The following TRIM33 variants were observed in gnomAD, a reference collection of about 807,000 sequenced individuals.
The protein encoded by TRIM33 is E3 ubiquitin-protein ligase TRIM33.
Under a neutral mutation model 125.4 loss-of-function variants are expected in TRIM33, and 20 were observed. The ratio of observed to expected loss-of-function variants is 0.16; its 90% confidence interval spans 0.11 to 0.23. The LOEUF (loss-of-function observed/expected upper bound fraction) is 0.23, where lower values mean the gene tolerates loss of function less well. TRIM33 is among the 10% of genes least tolerant of loss of function. TRIM33 has a pLI of 1.00. For synonymous variants in TRIM33, 564 were observed against 513.9 expected (o/e 1.10, Z -1.32); for missense variants, 920 against 1,411.4 (o/e 0.65, Z 5.58).
Position 114,487,635 on chromosome 1 carries a change from C to T in TRIM33, c.526+22916G>A, listed in dbSNP as rs140123045. Among the ~76,000 whole-genome samples the T allele has an allele frequency of 2.9e-3, 448 of 151,878 alleles. 4 individuals are homozygous for T. Among genetic ancestry groups the T allele is most frequent in the African/African-American group, 0.01 (422 of 41,462 alleles). The stretch of plus-strand genomic sequence containing the variant: ...TAAATAGGCCGGGCGCGGTGGCTCA[C>T]GCCTGTAATCCCAGCACTTTGGGAG... On this transcript the variant is annotated intron_variant, in intron 1 of 19. Transcript: ENST00000358465.
intron 9 of TRIM33, among the ~76,000 whole-genome samples, chr1:114,425,172 G>A (rs182057631): frequency 5.9e-5 from 9 of 152,192 alleles, no homozygotes; most frequent in South Asian, 2.1e-4. Flanking sequence ...AAAATTATAC[G>A]TGGAAAACAA....
chr1:114,481,851 C>T (rs904435161), intron 1 of TRIM33, among the ~76,000 whole-genome samples: 3 of 151,940 alleles, frequency 2.0e-5, no homozygotes, highest in Admixed American at 6.6e-5. Context: ...CCTCCGCCTA[C>T]CCAGTTCAAG....
chr1:114,510,957 C>T lies in TRIM33; in HGVS notation c.120G>A (p.Ala40=). Reference sequence around the variant, plus strand: ...CCTCCTCCTCCTCCTCCACCAGCACCGCGGTGAGAGGCGGCTCCGCCTCCT... The same window carrying T: ...CCTCCTCCTCCTCCTCCACCAGCACTGCGGTGAGAGGCGGCTCCGCCTCCT... ...AAQEAEPPLT[A]VLVEEEEEEG... The change falls in exon 1 of 20, where the codon GCG becomes GCA. Residue 40 remains alanine (A), a synonymous_variant. Transcript: ENST00000358465. 7 of 1,390,800 alleles carry T rather than the reference C, an allele frequency of 5.0e-6. No individual in the cohort carries two copies. The highest frequency in any genetic ancestry group is 6.5e-6 in the Non-Finnish European group (7 of 1,072,874). 86.2% of individuals were successfully genotyped at this position (1,390,800 alleles called of 1,614,324 possible).
Position 114,424,629 on chromosome 1 carries a change from G to A in TRIM33, c.1822C>T (p.Pro608Ser). 6.2e-7 allele frequency: 1 copy of A among 1,607,800 alleles called. No individual in the cohort carries two copies. Among genetic ancestry groups the A allele is most frequent in the South Asian group, 1.1e-5 (1 of 89,858 alleles). The change falls in exon 10 of 20, where the codon CCT becomes TCT. Residue 608 changes from proline (P) to serine (S), a missense_variant. Around this residue, in one of 8 missense-constraint regions of TRIM33, gnomAD observed 407 missense variants for 589.7 expected, o/e 0.69. Transcript: ENST00000358465. ...TGTGGCTGCATCATGGAATATTGAG[G>A]GCCGCTGTGCCTGGGTATCCCTGGT... is the stretch of plus-strand genomic sequence containing the variant. ...RIPGIPRHSG[P>S]QYSMMQPHLQ...
At chr1:114,447,358 C>T (rs1156494945) in intron 4 of TRIM33, among the ~76,000 whole-genome samples, 1 of 151,294 alleles carries the variant, frequency 6.6e-6, no homozygotes, top group Non-Finnish European at 1.5e-5. Flanking sequence ...CAAGTAGAGT[C>T]GAGGATGGTG....
At chr1:114,479,870 G>A (rs577417689) in intron 1 of TRIM33, among the ~76,000 whole-genome samples, 8 of 75,818 alleles carry the variant, frequency 1.1e-4, no homozygotes, top group South Asian at 3.9e-4. Flanking sequence ...GGAAGGGGGC[G>A]CCTCCACCCG....
chr1:114,489,479 C>T (rs936224787), intron 1 of TRIM33, among the ~76,000 whole-genome samples: 1 of 152,178 alleles, frequency 6.6e-6, no homozygotes, highest in African/African-American at 2.4e-5. Context: ...TGCAGTGGCT[C>T]ACACCTCTAA....
intron 4 of TRIM33, among the ~76,000 whole-genome samples, chr1:114,455,131 G>A (rs1446253366): frequency 6.6e-6 from 1 of 152,094 alleles, no homozygotes; most frequent in Non-Finnish European, 1.5e-5. Flanking sequence ...ACCAGAGAAG[G>A]CTATACATGA....
At chr1:114,447,443 A>T (rs946245324) in intron 4 of TRIM33, among the ~76,000 whole-genome samples, 1 of 152,166 alleles carries the variant, frequency 6.6e-6, no homozygotes, top group Non-Finnish European at 1.5e-5. Flanking sequence ...CTACCAGTGA[A>T]AAAAGGTTTG....
At position 114,421,561 on chromosome 1, in the gene TRIM33, T is replaced by A; in HGVS notation, c.1936A>T (p.Thr646Ser). 1 of 1,614,156 alleles carries A rather than the reference T, an allele frequency of 6.2e-7. No individual in the cohort carries two copies. Among genetic ancestry groups the A allele is most frequent in the Admixed American group, 1.7e-5 (1 of 60,024 alleles). The change falls in exon 11 of 20, where the codon ACT becomes TCT. Residue 646 changes from threonine to serine, a missense_variant. Physicochemically the swap from Thr to Ser is moderately conservative, Grantham distance 58 (BLOSUM62 1). Around this residue, in one of 8 missense-constraint regions of TRIM33, gnomAD observed 407 missense variants for 589.7 expected, o/e 0.69. Coordinates refer to ENST00000358465, the MANE Select transcript of TRIM33 (RefSeq NM_015906.4). ...TTTGCATTTGCCATAGTTGCTGTAG[T>A]AGGGCTCGTTGGGTTGATTGTGGTG... is the stretch of plus-strand genomic sequence containing the variant. ...HNTTINPTSP[T>S]TATMANANRG...
chr1:114,407,540 GAA>G (rs1354525644), intron 13 of TRIM33, among the ~76,000 whole-genome samples: 2 of 152,140 alleles, frequency 1.3e-5, no homozygotes, highest in Non-Finnish European at 2.9e-5. Flanking sequence ...TCTGAAGCAT[GAA>G]ATGTACAAAA....
intron 1 of TRIM33, among the ~76,000 whole-genome samples, chr1:114,464,715 G>A (rs181934924): frequency 6.6e-6 from 1 of 152,288 alleles, no homozygotes; most frequent in East Asian, 1.9e-4. Flanking sequence ...CTTTACAGAT[G>A]CGATTAAGGC....
intron 11 of TRIM33, among the ~76,000 whole-genome samples, chr1:114,413,905 T>C (rs1249149440): frequency 6.6e-6 from 1 of 152,056 alleles, no homozygotes; most frequent in Non-Finnish European, 1.5e-5. Context: ...CATGTGCCCG[T>C]AGTCCCAGTT....
intron 14 of TRIM33, among the ~76,000 whole-genome samples, chr1:114,406,378 G>T (rs1652245620): frequency 6.6e-6 from 1 of 152,110 alleles, no homozygotes; most frequent in African/African-American, 2.4e-5. Flanking sequence ...GGAAAAAGAA[G>T]CCCGGTCAGA....
chr1:114,458,765 C>A (rs1454843211), intron 4 of TRIM33, among the ~76,000 whole-genome samples: 2 of 152,164 alleles, frequency 1.3e-5, no homozygotes, highest in East Asian at 3.8e-4. Context: ...AAAGGAGAAT[C>A]TGTCTGGGTG....
chr1:114,439,217 T>G (rs1319212722), intron 4 of TRIM33, among the ~76,000 whole-genome samples: 3 of 152,178 alleles, frequency 2.0e-5, no homozygotes, highest in Non-Finnish European at 4.4e-5. Flanking sequence ...CTCACGCCTG[T>G]AATCCCAGCA....
At chr1:114,413,926 C>T (rs1030496871) in intron 11 of TRIM33, among the ~76,000 whole-genome samples, 7 of 151,890 alleles carry the variant, frequency 4.6e-5, no homozygotes, top group Non-Finnish European at 1.0e-4. Flanking sequence ...ACTGGGGATA[C>T]TGGGACAGAA....
intron 18 of TRIM33, among the ~76,000 whole-genome samples, chr1:114,398,898 C>CAAAAAAAAAAAA (rs372853872): frequency 4.9e-5 from 3 of 60,796 alleles, no homozygotes; most frequent in African/African-American, 7.2e-5. Flanking sequence ...AACTTACCCT[C>CAAAAAAAAAAAA]AAAAAAAAAA....
chr1:114,420,824 C>T (rs1426730098), intron 11 of TRIM33, among the ~76,000 whole-genome samples: 1 of 152,118 alleles, frequency 6.6e-6, no homozygotes, highest in Non-Finnish European at 1.5e-5. Flanking sequence ...ATATATAATA[C>T]ACTATCAATC....
Sources: allele counts gnomAD v4.1 joint callset (sites outside exome capture counted in the v4.1 genomes callset), GRCh38; gene constraint gnomAD v4.1.1; regional missense constraint gnomAD v4.1.1; transcripts MANE v1.5; gene names NCBI Gene and HGNC (gene_info 2026-07-23, HGNC 2026-07-21).